Variants in SEL1L3 observed in about 807,000 individuals in gnomAD.
SEL1L3 encodes protein sel-1 homolog 3.
Under a neutral mutation model 142.8 loss-of-function variants are expected in SEL1L3, and 76 were observed. The observed-to-expected ratio is 0.53, with a 90% CI of 0.44 to 0.64. The LOEUF (loss-of-function observed/expected upper bound fraction) is 0.64, where lower values mean the gene tolerates loss of function less well. Ranked by LOEUF, SEL1L3 falls within the 30% of genes least tolerant of loss-of-function variation. The pLI is 0.00. For synonymous variants in SEL1L3, 504 were observed against 519.6 expected, an observed-to-expected ratio of 0.97 and a Z score of 0.41; for missense variants, 1,262 against 1,381.7, an observed-to-expected ratio of 0.91 and a Z score of 1.37.
chr4:25,751,566 A>C (rs1281518651), intron 23 of SEL1L3, among the ~76,000 whole-genome samples: 1 of 151,980 alleles, frequency 6.6e-6, no homozygotes, highest in Non-Finnish European at 1.5e-5. Context: ...AGCAAGAAAG[A>C]CTGAGCTGCC....
Position 25,847,278 on chromosome 4 carries a change from AAGAT to A in SEL1L3, c.733+12_733+15del, listed in dbSNP as rs1448090870. ...AAAAAATGAGAATTAGGTTCCTAGC[AAGAT>A]AGATGACCTACCATTTTCCAGAGGA... On this transcript the variant is annotated intron_variant, in intron 2 of 23. Coordinates refer to ENST00000399878, the MANE Select transcript of SEL1L3 (RefSeq NM_015187.5). The A allele has an allele frequency of 6.3e-7, 1 of 1,589,792 alleles. No homozygotes were observed. Among genetic ancestry groups the A allele is most frequent in the Non-Finnish European group, 8.6e-7 (1 of 1,166,458 alleles).
intron 10 of SEL1L3, among the ~76,000 whole-genome samples, chr4:25,803,111 G>A (rs1416211557): frequency 2.0e-5 from 3 of 152,164 alleles, no homozygotes; most frequent in South Asian, 4.1e-4. Flanking sequence ...TCTGGATGGC[G>A]GGCCCATGTC....
chr4:25,857,485 CT>C (rs1254260110), intron 1 of SEL1L3, among the ~76,000 whole-genome samples: 3 of 152,190 alleles, frequency 2.0e-5, no homozygotes, highest in African/African-American at 4.8e-5. Flanking sequence ...AAACCTTTTT[CT>C]CTCTCTGACT....
chr4:25,861,703 A>G (rs1232081562), intron 1 of SEL1L3: 1 of 141,910 alleles, frequency 7.0e-6, no homozygotes, highest in African/African-American at 2.6e-5. Flanking sequence ...TTTCCATTTC[A>G]TTTATTTACA....
chr4:25,829,619 A>G (rs1243727827), intron 6 of SEL1L3, among the ~76,000 whole-genome samples: 2 of 152,238 alleles, frequency 1.3e-5, no homozygotes, highest in Non-Finnish European at 2.9e-5. Flanking sequence ...ACTCTTGTAG[A>G]GAATGGTTAT....
intron 9 of SEL1L3, among the ~76,000 whole-genome samples, chr4:25,808,043 T>C (rs1713719843): frequency 1.3e-5 from 2 of 152,240 alleles, no homozygotes; most frequent in South Asian, 2.1e-4. Context: ...TTGGTAAACT[T>C]TGAATTCCAA....
downstream of SEL1L3, among the ~76,000 whole-genome samples, chr4:25,743,059 T>C (rs1442309431): frequency 6.6e-6 from 1 of 152,164 alleles, no homozygotes; most frequent in Non-Finnish European, 1.5e-5. Flanking sequence ...CAATAGGGAA[T>C]GGTGGTGACT....
intron 23 of SEL1L3, among the ~76,000 whole-genome samples, chr4:25,751,697 T>TGA (rs1560272713): frequency 1.3e-5 from 2 of 149,510 alleles, no homozygotes; most frequent in Non-Finnish European, 3.0e-5. Flanking sequence ...TATATATTCT[T>TGA]TATATATATA....
chr4:25,737,488 G>A, the SEL1L3 span, among the ~76,000 whole-genome samples: 71,161 of 151,882 alleles, frequency 0.47, 17,145 homozygotes, highest in East Asian at 0.67. Flanking sequence ...TCTTTTTATA[G>A]GGGCATTAAT....
chr4:25,839,790 G>A (rs1028713810), intron 2 of SEL1L3, among the ~76,000 whole-genome samples: 9 of 151,198 alleles, frequency 6.0e-5, no homozygotes, highest in East Asian at 3.9e-4. Flanking sequence ...CCGTGTACAC[G>A]TATTACTTTT....
intron 1 of SEL1L3, among the ~76,000 whole-genome samples, chr4:25,851,963 G>A (rs1196634477): frequency 1.3e-5 from 2 of 151,656 alleles, no homozygotes; most frequent in Non-Finnish European, 2.9e-5. Context: ...GAGAAGAGCT[G>A]GTGATTCCTT....
At chr4:25,772,570 AAAGGC>A (rs893046107) in intron 17 of SEL1L3, among the ~76,000 whole-genome samples, 9 of 152,102 alleles carry the variant, frequency 5.9e-5, no homozygotes, top group East Asian at 1.9e-4. Flanking sequence ...AAAGGAAAGA[AAAGGC>A]AAGGCAAGGC....
At chr4:25,843,152 G>A (rs1577685801) in intron 2 of SEL1L3, among the ~76,000 whole-genome samples, 1 of 152,098 alleles carries the variant, frequency 6.6e-6, no homozygotes, top group Non-Finnish European at 1.5e-5. Flanking sequence ...AGGCTGCAAG[G>A]GGACAGGGAC....
At chr4:25,726,545 A>G in the SEL1L3 span, among the ~76,000 whole-genome samples, 1 of 81,258 alleles carries the variant, frequency 1.2e-5, no homozygotes, top group East Asian at 3.4e-4. Context: ...AAAAAAAAAA[A>G]CCCAAAAAAA....
intron 21 of SEL1L3, 67 bp from the exon 22 acceptor site, chr4:25,757,857 T>A (rs1488119460): frequency 1.9e-6 from 2 of 1,079,360 alleles, no homozygotes; most frequent in African/African-American, 3.1e-5. Context: ...AGGACTGGCA[T>A]TTTCAGATCC....
Position 25,772,494 on chromosome 4 carries a change from C to T in SEL1L3, c.2669+3783G>A, listed in dbSNP as rs889316079. Among the ~76,000 whole-genome samples, 87 of 151,854 alleles carry T rather than the reference C, an allele frequency of 5.7e-4. 1 individual carries two copies. The highest frequency in any genetic ancestry group is 5.2e-3 in the Admixed American group (80 of 15,248). On this transcript the variant is annotated intron_variant, in intron 17 of 23. Transcript: ENST00000399878. ...CCACTCCTAAGTTTACATTCTAGGG[C>T]GACTCTTTCTATTTGCCCTATGAGA...
chr4:25,749,729 C>A (rs1407245012), intron 23 of SEL1L3, among the ~76,000 whole-genome samples: 1 of 152,170 alleles, frequency 6.6e-6, no homozygotes, highest in Admixed American at 6.5e-5. Context: ...GCCTGGGGGA[C>A]CATTTTCTGT....
At chr4:25,837,523 GA>G (rs1181898026) in intron 2 of SEL1L3, among the ~76,000 whole-genome samples, 1 of 151,554 alleles carries the variant, frequency 6.6e-6, no homozygotes, top group Non-Finnish European at 1.5e-5. Flanking sequence ...GATTATGAAG[GA>G]AAAAGCTCAG....
the SEL1L3 span, among the ~76,000 whole-genome samples, chr4:25,714,540 CTTTCTTTCTTTCTTCTTTCTTT>C: frequency 8.6e-6 from 1 of 116,016 alleles, no homozygotes; most frequent in Non-Finnish European, 1.8e-5. Context: ...TTCTTTCTTT[CTTTCTTTCTTTCTTCTTTCTTT>C]CTTTCCTTCT....
Sources: allele counts gnomAD v4.1 joint callset (sites outside exome capture counted in the v4.1 genomes callset), GRCh38; gene constraint gnomAD v4.1.1; transcripts MANE v1.5; gene names NCBI Gene and HGNC (gene_info 2026-07-23, HGNC 2026-07-21).